Variants in CDH13 observed in about 807,000 individuals in gnomAD.
CDH13 encodes cadherin-13.
CDH13 carries 24 observed loss-of-function variants against 63.8 expected under a neutral mutation model. That is an observed-to-expected ratio of 0.38 (90% confidence interval 0.27 to 0.53). The LOEUF (loss-of-function observed/expected upper bound fraction) is 0.53. CDH13 is among the 20% of genes least tolerant of loss of function. CDH13 has a pLI of 0.85. For missense variants in CDH13, 1,049 were observed against 903.1 expected (o/e 1.16, Z -2.07); for synonymous variants, 503 against 355.3 (o/e 1.42, Z -4.67).
At chr16:82,692,958 T>C (rs1448748782) in intron 1 of CDH13, among the ~76,000 whole-genome samples, 1 of 152,176 alleles carries the variant, frequency 6.6e-6, no homozygotes, top group Non-Finnish European at 1.5e-5. Flanking sequence ...GTGTCTTCTG[T>C]GATCGTTTTA....
At chr16:83,476,436 G>A (rs999696229) in intron 6 of CDH13, among the ~76,000 whole-genome samples, 35 of 152,224 alleles carry the variant, frequency 2.3e-4, no homozygotes, top group African/African-American at 7.2e-4. Flanking sequence ...ACTTTGAGAG[G>A]CCAAGGTGGG....
intron 1 of CDH13, among the ~76,000 whole-genome samples, chr16:82,785,114 T>C (rs1355720639): frequency 6.6e-6 from 1 of 152,136 alleles, no homozygotes; most frequent in Non-Finnish European, 1.5e-5. Context: ...GGGAGGGTAC[T>C]GCAGTCTTTC....
At chr16:83,126,925 A>G (rs1264663903) in intron 4 of CDH13, among the ~76,000 whole-genome samples, 1 of 152,292 alleles carries the variant, frequency 6.6e-6, no homozygotes, top group Admixed American at 6.5e-5. Context: ...AAAATCAGCA[A>G]TGGGATGATG....
At chr16:82,833,099 C>G (rs1312519018) in intron 1 of CDH13, among the ~76,000 whole-genome samples, 1 of 152,200 alleles carries the variant, frequency 6.6e-6, no homozygotes, top group African/African-American at 2.4e-5. Context: ...AGATGGCAGA[C>G]AGAAGGAGAG....
At chr16:82,793,478 G>A (rs1408377465) in intron 1 of CDH13, among the ~76,000 whole-genome samples, 2 of 152,056 alleles carry the variant, frequency 1.3e-5, no homozygotes, top group Non-Finnish European at 2.9e-5. Context: ...AGTTCCCAGT[G>A]TTTCATTATC....
intron 8 of CDH13, among the ~76,000 whole-genome samples, chr16:83,627,160 T>A (rs1344965643): frequency 6.7e-6 from 1 of 148,688 alleles, no homozygotes; most frequent in Non-Finnish European, 1.5e-5. Flanking sequence ...TGTGGCAGCC[T>A]GCACCTGTAG....
At chr16:82,659,384 G>A (rs2150922231) in intron 1 of CDH13, among the ~76,000 whole-genome samples, 1 of 152,326 alleles carries the variant, frequency 6.6e-6, no homozygotes, top group African/African-American at 2.4e-5. Context: ...GGAATAGCAG[G>A]AGCAAGGCTA....
At chr16:83,671,236 G>A (rs1185804243) in intron 9 of CDH13, among the ~76,000 whole-genome samples, 2 of 152,080 alleles carry the variant, frequency 1.3e-5, no homozygotes, top group South Asian at 2.1e-4. Flanking sequence ...AAACTTAAGT[G>A]CATTTTTTAT....
chr16:83,552,934 C>G (rs2075533586), intron 7 of CDH13, among the ~76,000 whole-genome samples: 1 of 152,046 alleles, frequency 6.6e-6, no homozygotes, highest in African/African-American at 2.4e-5. Flanking sequence ...CAAAAATTAG[C>G]CGGGAGTGGT....
At chr16:83,572,106 T>C (rs1904679936) in intron 7 of CDH13, among the ~76,000 whole-genome samples, 1 of 152,062 alleles carries the variant, frequency 6.6e-6, no homozygotes, top group Admixed American at 6.6e-5. Context: ...TCAGTAGATG[T>C]TATTTATTTT....
intron 5 of CDH13, among the ~76,000 whole-genome samples, chr16:83,288,920 A>T (rs1350042351): frequency 6.6e-6 from 1 of 152,238 alleles, no homozygotes; most frequent in Non-Finnish European, 1.5e-5. Context: ...CTGGATTTGC[A>T]TAATGGAGAT....
At chr16:83,663,274 TG>T (rs949871677) in intron 8 of CDH13, among the ~76,000 whole-genome samples, 17 of 152,184 alleles carry the variant, frequency 1.1e-4, no homozygotes, top group African/African-American at 3.9e-4. Context: ...CAGCAGGGAC[TG>T]GGGGTAGGTT....
At chr16:82,641,601 A>G (rs376251381) in intron 1 of CDH13, among the ~76,000 whole-genome samples, 1 of 152,240 alleles carries the variant, frequency 6.6e-6, no homozygotes, top group Non-Finnish European at 1.5e-5. Context: ...TTACTTTTCA[A>G]CAATGAATGA....
chr16:83,799,315 AAAAAAG>A lies in CDH13; in HGVS notation c.*4289_*4294del, dbSNP rs1904301998. On this transcript the variant is annotated 3_prime_UTR_variant, in exon 14 of 14. Transcript: ENST00000567109. The stretch of plus-strand genomic sequence containing the variant: ...AGACTCCGTCAAAAAAAAAAAAAAA[AAAAAAG>A]AAAGAAAAGGAAATTTATGAACTCC... 6.6e-6 allele frequency: 1 copy of A among 151,618 alleles called. No homozygotes were observed. The highest frequency in any genetic ancestry group is 2.4e-5 in the African/African-American group (1 of 41,280). 9.4% of individuals were successfully genotyped at this position (151,618 alleles called of 1,614,324 possible).
chr16:83,753,400 C>G (rs766293853), intron 11 of CDH13, among the ~76,000 whole-genome samples: 3 of 152,090 alleles, frequency 2.0e-5, no homozygotes, highest in Non-Finnish European at 4.4e-5. Flanking sequence ...AAAAATTAGT[C>G]ATGCACAGTG....
rs1292232258 is a variant in CDH13 at position 82,916,078 on chromosome 16, G to A, written c.157+57605G>A. Among the ~76,000 whole-genome samples the A allele has an allele frequency of 2.0e-5, 3 of 152,206 alleles. No homozygotes were observed. In the East Asian group the frequency reaches 5.8e-4, roughly 29 times the overall value. On this transcript the variant is annotated intron_variant, in intron 2 of 13. Coordinates refer to ENST00000567109, the MANE Select transcript of CDH13 (RefSeq NM_001257.5). ...TCCATAAAGAGGAGGATGTTTAAATGCCTCCAGACTACATTCCTTTTTATT... is the reference window on the plus strand; with the variant it reads ...TCCATAAAGAGGAGGATGTTTAAATACCTCCAGACTACATTCCTTTTTATT...
chr16:82,823,757 C>G (rs1169805183), intron 1 of CDH13: 3 of 151,906 alleles, frequency 2.0e-5, no homozygotes, highest in Non-Finnish European at 4.4e-5. Flanking sequence ...ATTTGGAGAA[C>G]TAGAATATTG....
At chr16:82,872,931 G>A (rs1419788922) in intron 2 of CDH13, among the ~76,000 whole-genome samples, 2 of 152,186 alleles carry the variant, frequency 1.3e-5, no homozygotes, top group African/African-American at 4.8e-5. Context: ...GAGCTTTGAT[G>A]ATATCAGAGA....
At chr16:83,551,812 A>G (rs2075505204) in intron 7 of CDH13, among the ~76,000 whole-genome samples, 1 of 152,164 alleles carries the variant, frequency 6.6e-6, no homozygotes, top group Non-Finnish European at 1.5e-5. Context: ...TGAAGGTGTC[A>G]AGTCAGGGGC....
Sources: allele counts gnomAD v4.1 joint callset (sites outside exome capture counted in the v4.1 genomes callset), GRCh38; gene constraint gnomAD v4.1.1; transcripts MANE v1.5; gene names NCBI Gene and HGNC (gene_info 2026-07-23, HGNC 2026-07-21).